Variants in DERA observed in about 807,000 individuals in gnomAD.
DERA encodes deoxyribose-phosphate aldolase, also known as 2-deoxy-D-ribose 5-phosphate aldolase.
A neutral mutation model predicts 41.1 loss-of-function variants in DERA; 15 were observed. The observed-to-expected ratio is 0.37, with a 90% confidence interval of 0.24 to 0.56. The LOEUF is 0.56. Among genes scored for constraint, DERA ranks in the 20% least tolerant of loss-of-function variants. DERA has a pLI of 0.81. For missense variants in DERA, 396 were observed against 403.4 expected (o/e 0.98, Z 0.16); for synonymous variants, 139 against 137.4 (o/e 1.01, Z -0.08).
intron 6 of DERA, among the ~76,000 whole-genome samples, chr12:15,991,247 A>G (rs1322418841): frequency 6.6e-6 from 1 of 152,116 alleles, no homozygotes; most frequent in Non-Finnish European, 1.5e-5. Context: ...GGCCACATGT[A>G]TGTCTTCTTT....
At chr12:16,016,455 A>T (rs1948982742) in intron 6 of DERA, among the ~76,000 whole-genome samples, 1 of 152,146 alleles carries the variant, frequency 6.6e-6, no homozygotes, top group African/African-American at 2.4e-5. Flanking sequence ...GAATTAAATA[A>T]CCCTTTCTTT....
intron 1 of DERA, among the ~76,000 whole-genome samples, chr12:15,947,523 T>A (rs1202446462): frequency 6.6e-6 from 1 of 152,216 alleles, no homozygotes; most frequent in Non-Finnish European, 1.5e-5. Flanking sequence ...GCGAATAGGA[T>A]TGCAACCCCT....
chr12:16,001,295 A>G lies in DERA; in HGVS notation c.637+18859A>G, dbSNP rs946798900. Reference sequence around the variant, plus strand: ...TTTGTTTTTAGAAGAAATAAAAAAAACCATTCAGGCTCCCATGAGGTGATC... The same window carrying G: ...TTTGTTTTTAGAAGAAATAAAAAAAGCCATTCAGGCTCCCATGAGGTGATC... On this transcript the variant is annotated intron_variant, in intron 6 of 8. Coordinates refer to ENST00000428559, the MANE Select transcript of DERA (RefSeq NM_015954.4). This position sits in a 1 kb window ranked among gnomAD's most constrained non-coding sequence, Gnocchi z 4.1. Among the ~76,000 whole-genome samples, 1 of 152,212 alleles carries G rather than the reference A, an allele frequency of 6.6e-6. No homozygotes were observed. Among genetic ancestry groups the G allele is most frequent in the Non-Finnish European group, 1.5e-5 (1 of 68,038 alleles).
chr12:15,982,631 T>TG lies in DERA; in HGVS notation c.637+195_637+196insG, dbSNP rs1555155619. Reference sequence around the variant, plus strand: ...TCCTGGCTTTCTTCCACATTTTTTTTTGTGTGTGTGTGGCATTTCATTGCT... The same window carrying TG: ...TCCTGGCTTTCTTCCACATTTTTTTTGTGTGTGTGTGTGGCATTTCATTGCT... On this transcript the variant is annotated intron_variant, in intron 6 of 8. Transcript: ENST00000428559. The surrounding 1 kb of genome is among the most constrained non-coding windows in gnomAD (Gnocchi z 4.0). Among the ~76,000 whole-genome samples the TG allele has an allele frequency of 2.6e-5, 4 of 152,118 alleles. No individual in the cohort carries two copies. Among genetic ancestry groups the TG allele is most frequent in the Non-Finnish European group, 5.9e-5 (4 of 68,018 alleles).
At chr12:15,991,549 A>G (rs1004042383) in intron 6 of DERA, among the ~76,000 whole-genome samples, 3 of 152,310 alleles carry the variant, frequency 2.0e-5, no homozygotes, top group Middle Eastern at 3.4e-3. Flanking sequence ...CAGTCACTTA[A>G]TCAGCAGCTG....
At chr12:16,023,351 C>T (rs139506503) in intron 6 of DERA, among the ~76,000 whole-genome samples, 5 of 152,098 alleles carry the variant, frequency 3.3e-5, no homozygotes, top group Admixed American at 1.3e-4. Context: ...ACTCCTTGCC[C>T]GATTAACATA....
Position 15,981,932 on chromosome 12 carries a change from TTTA to T in DERA, c.509-372_509-370del. Among the ~76,000 whole-genome samples, 1 of 152,334 alleles carries T rather than the reference TTTA, an allele frequency of 6.6e-6. No individual in the cohort carries two copies. Among genetic ancestry groups the T allele is most frequent in the African/African-American group, 2.4e-5 (1 of 41,568 alleles). On this transcript the variant is annotated intron_variant, in intron 5 of 8. Coordinates refer to ENST00000428559, the MANE Select transcript of DERA (RefSeq NM_015954.4). This position sits in a 1 kb window ranked among gnomAD's most constrained non-coding sequence, Gnocchi z 6.1. ...AATTAATAAGAACCTAAGATTTTTT[TTTA>T]TTACTTTGCAAAGGGGTACACCACT...
chr12:15,919,924 T>G (rs1007557539), intron 1 of DERA, among the ~76,000 whole-genome samples: 1 of 151,902 alleles, frequency 6.6e-6, no homozygotes, highest in Non-Finnish European at 1.5e-5. Flanking sequence ...TCAGATAAGG[T>G]TTTCAACTGT....
Position 15,959,861 on chromosome 12 carries a change from G to T in DERA, c.310G>T (p.Ala104Ser). 2 of 1,549,956 alleles carry T rather than the reference G, an allele frequency of 1.3e-6. No individual in the cohort carries two copies. The highest frequency in any genetic ancestry group is 1.7e-6 in the Non-Finnish European group (2 of 1,145,006). Residue 104 changes from alanine (A) to serine (S), a missense_variant, in exon 4 of 9, where the codon GCC becomes TCC. By Grantham distance (99) the Ala-to-Ser change is moderately conservative. Transcript: ENST00000428559. This position sits in a 1 kb window ranked among gnomAD's most constrained non-coding sequence, Gnocchi z 4.5. Reference protein sequence around the residue: ...ITTAAVCVYPARVCDAVKALK... With the variant: ...ITTAAVCVYPSRVCDAVKALK... Reference sequence around the variant, plus strand: ...TACAGCCGCCGTTTGTGTTTATCCCGCCCGGGTGTGTGATGCTGTAAAAGC... The same window carrying T: ...TACAGCCGCCGTTTGTGTTTATCCCTCCCGGGTGTGTGATGCTGTAAAAGC...
rs999562368 is a variant in DERA, at chr12:15,966,310, A to G, written c.508+3363A>G. ...AAAACCCTATCTCTACTAAATATAC[A>G]AAGATTCGTTGGGCATGGTGGCACA... On this transcript the variant is annotated intron_variant, in intron 5 of 8. Transcript: ENST00000428559. This position sits in a 1 kb window ranked among gnomAD's most constrained non-coding sequence, Gnocchi z 5.1. Among the ~76,000 whole-genome samples the G allele has an allele frequency of 2.0e-5, 3 of 152,066 alleles. No individual in the cohort carries two copies. The highest frequency in any genetic ancestry group is 4.8e-5 in the African/African-American group (2 of 41,404).
At chr12:15,945,782 T>C (rs1276951998) in intron 1 of DERA, among the ~76,000 whole-genome samples, 4 of 152,102 alleles carry the variant, frequency 2.6e-5, no homozygotes, top group African/African-American at 2.4e-5. Flanking sequence ...GAGTGGTGGG[T>C]GAGAGAGGGC....
In DERA at chr12:15,959,741, C is replaced by A; in HGVS notation, c.278-88C>A. The stretch of plus-strand genomic sequence containing the variant: ...TTATTTTTTTCTCATTTGATTTTTG[C>A]CAGTGTTGCGATATAAATAATAATT... On this transcript the variant is annotated intron_variant, in intron 3 of 8. Transcript: ENST00000428559. The surrounding 1 kb of genome is among the most constrained non-coding windows in gnomAD (Gnocchi z 4.5). The A allele has an allele frequency of 2.5e-6, 2 of 807,818 alleles. No homozygotes were observed. The highest frequency in any genetic ancestry group is 2.2e-5 in the South Asian group (1 of 46,320). The allele number at this position is 807,818 out of a possible 1,614,324, so 50.0% of individuals were successfully genotyped here.
intron 1 of DERA, among the ~76,000 whole-genome samples, chr12:15,955,756 T>G (rs1948533521): frequency 6.6e-6 from 1 of 152,350 alleles, no homozygotes; most frequent in Admixed American, 6.5e-5. Flanking sequence ...AAGAATGTCA[T>G]CTGTAAACAT....
At chr12:15,944,455 TG>T (rs1400957337) in intron 1 of DERA, among the ~76,000 whole-genome samples, 1 of 152,222 alleles carries the variant, frequency 6.6e-6, no homozygotes, top group African/African-American at 2.4e-5. Flanking sequence ...ATTGTGGTTT[TG>T]ATTTGCATTT....
At chr12:16,006,862 A>C (rs1309067562) in intron 6 of DERA, among the ~76,000 whole-genome samples, 3 of 152,192 alleles carry the variant, frequency 2.0e-5, no homozygotes, top group African/African-American at 7.2e-5. Flanking sequence ...AATTCTGGAA[A>C]TTCCTTCTTT....
In DERA at chr12:15,954,969, C is replaced by G. The variant is rs1206455606; in HGVS notation, c.32-1967C>G. ...GCTTGAAACAGTCTTTACCATGAAC[C>G]AAATCAGCATTATCAATCATCTGAG... On this transcript the variant is annotated intron_variant, in intron 1 of 8. Coordinates refer to ENST00000428559, the MANE Select transcript of DERA (RefSeq NM_015954.4). This position sits in a 1 kb window ranked among gnomAD's most constrained non-coding sequence, Gnocchi z 4.0. Among the ~76,000 whole-genome samples, 1 of 151,512 alleles carries G rather than the reference C, an allele frequency of 6.6e-6. No homozygotes were observed. The highest frequency in any genetic ancestry group is 1.5e-5 in the Non-Finnish European group (1 of 67,922).
rs947136036 is a variant in DERA at position 15,999,672 on chromosome 12, C to G, written c.637+17236C>G. On this transcript the variant is annotated intron_variant, in intron 6 of 8. Transcript: ENST00000428559. This position sits in a 1 kb window ranked among gnomAD's most constrained non-coding sequence, Gnocchi z 5.3. ...AGGTGGGGATGAAGCTAGTAAATAGCTTGGAGTTTAAGGCCATGCTAAGGA... is the reference window on the plus strand; with the variant it reads ...AGGTGGGGATGAAGCTAGTAAATAGGTTGGAGTTTAAGGCCATGCTAAGGA... 5.3e-5 allele frequency among the ~76,000 whole-genome samples: 8 copies of G among 152,160 alleles called. No homozygotes were observed. The highest frequency in any genetic ancestry group is 1.9e-4 in the African/African-American group (8 of 41,528).
Position 16,036,671 on chromosome 12 carries a change from ACT to A in DERA, c.901-16_901-15del, listed in dbSNP as rs1444913993. The A allele has an allele frequency of 1.3e-6, 2 of 1,570,816 alleles. No individual in the cohort carries two copies. Among genetic ancestry groups the A allele is most frequent in the African/African-American group, 1.4e-5 (1 of 73,654 alleles). On this transcript the variant is annotated splice_polypyrimidine_tract_variant and intron_variant, in intron 8 of 8. Coordinates refer to ENST00000428559, the MANE Select transcript of DERA (RefSeq NM_015954.4). This position sits in a 1 kb window ranked among gnomAD's most constrained non-coding sequence, Gnocchi z 4.9. ...TAATTATAGAATGATTGTTAATTAA[ACT>A]CTGCTTTTCCTCACAGATTTACCAT...
Position 16,003,139 on chromosome 12 carries a change from AG to A in DERA, c.637+20707del, listed in dbSNP as rs1948887087. Among the ~76,000 whole-genome samples, 1 of 152,114 alleles carries A rather than the reference AG, an allele frequency of 6.6e-6. No individual in the cohort carries two copies. The highest frequency in any genetic ancestry group is 2.4e-5 in the African/African-American group (1 of 41,404). On this transcript the variant is annotated intron_variant, in intron 6 of 8. Coordinates refer to ENST00000428559, the MANE Select transcript of DERA (RefSeq NM_015954.4). This position sits in a 1 kb window ranked among gnomAD's most constrained non-coding sequence, Gnocchi z 4.8. Reference sequence around the variant, plus strand: ...GTTTTGTGGCTCTCCCCTTACTTGCAGGGGATTGTTGCCTATCTTTGGTGTT... The same window carrying A: ...GTTTTGTGGCTCTCCCCTTACTTGCAGGGATTGTTGCCTATCTTTGGTGTT...
Sources: gnomAD v4.1 joint callset for allele counts (sites outside exome capture counted in the v4.1 genomes callset) on GRCh38, gnomAD v4.1.1 for gene constraint, Gnocchi (gnomAD v3.1) non-coding constraint, MANE v1.5 for transcripts, NCBI Gene and HGNC (gene_info 2026-07-23, HGNC 2026-07-21) for gene names.